Variants in MPDZ observed in about 807,000 individuals in gnomAD.
MPDZ encodes the protein multiple PDZ domain protein.
Under a neutral mutation model 239.1 loss-of-function variants are expected in MPDZ, and 234 were observed. That is an observed-to-expected ratio of 0.98 (90% confidence interval 0.88 to 1.09). The LOEUF is 1.09. Ranked by LOEUF, MPDZ falls within the 50% of genes least tolerant of loss-of-function variation. MPDZ has a pLI of 0.00. For synonymous variants in MPDZ, 1,048 were observed against 881.3 expected (o/e 1.19, Z -3.35); for missense variants, 3,175 against 2,510.0 (o/e 1.26, Z -5.66).
intron 21 of MPDZ, among the ~76,000 whole-genome samples, chr9:13,172,519 A>G (rs1460135567): frequency 6.6e-6 from 1 of 151,618 alleles, no homozygotes; most frequent in East Asian, 1.9e-4. Flanking sequence ...AGTAGCTGGG[A>G]TTACAGGTGC....
intron 12 of MPDZ, among the ~76,000 whole-genome samples, chr9:13,201,152 T>A (rs747807292): frequency 5.9e-5 from 9 of 152,230 alleles, no homozygotes; most frequent in Admixed American, 1.3e-4. Context: ...CTGATGCTTT[T>A]CTCATTAAAT....
intron 10 of MPDZ, among the ~76,000 whole-genome samples, chr9:13,206,725 G>T (rs944162652): frequency 1.3e-5 from 2 of 151,998 alleles, no homozygotes; most frequent in African/African-American, 4.8e-5. Context: ...TGTATTTTTA[G>T]TAAAGACGGG....
In MPDZ at chr9:13,136,088, A is replaced by G; in HGVS notation, c.4383+4T>C. ...CCAGAGAAACAAACATAAGTTACAT[A>G]TACCTCCTTATTTTGAAGATTTTCT... On this transcript the variant is annotated splice_donor_region_variant and intron_variant, in intron 31 of 46. Coordinates refer to ENST00000319217, the MANE Select transcript of MPDZ (RefSeq NM_001378778.1). 6.3e-7 allele frequency: 1 copy of G among 1,585,008 alleles called. No individual in the cohort carries two copies. Among genetic ancestry groups the G allele is most frequent in the East Asian group, 2.2e-5 (1 of 44,552 alleles).
Position 13,117,030 on chromosome 9 carries a change from T to C in MPDZ, c.5380-1696A>G, listed in dbSNP as rs544784854. ...ATAGTGCTGAACTCTATATATACTA[T>C]GTTTTTTCCTATATATAAGGTTTAA... On this transcript the variant is annotated intron_variant, in intron 39 of 46. Transcript: ENST00000319217. Among the ~76,000 whole-genome samples the C allele has an allele frequency of 2.6e-5, 4 of 152,238 alleles. No individual in the cohort carries two copies. In the East Asian group the frequency reaches 7.7e-4, roughly 29 times the overall value.
intron 26 of MPDZ, 29 bp downstream of exon 26, chr9:13,147,519 T>C: frequency 6.5e-7 from 1 of 1,529,534 alleles, no homozygotes; most frequent in Non-Finnish European, 9.1e-7. Flanking sequence ...TGTTTGGATA[T>C]GCCTACCTTG....
intron 5 of MPDZ, among the ~76,000 whole-genome samples, chr9:13,223,225 G>A (rs1218573264): frequency 6.6e-6 from 1 of 151,642 alleles, no homozygotes; most frequent in Non-Finnish European, 1.5e-5. Flanking sequence ...ATTGCTCTGG[G>A]TACATAAAAA....
intron 1 of MPDZ, among the ~76,000 whole-genome samples, chr9:13,250,904 G>T (rs778064346): frequency 1.3e-5 from 2 of 151,978 alleles, no homozygotes; most frequent in Non-Finnish European, 2.9e-5. Context: ...CAAGGTGAGT[G>T]CGTCACTTGA....
chr9:13,157,494 T>C (rs1949962983), intron 24 of MPDZ, among the ~76,000 whole-genome samples: 1 of 152,160 alleles, frequency 6.6e-6, no homozygotes, highest in Non-Finnish European at 1.5e-5. Context: ...CAGTATGTTT[T>C]AGTGATGCAC....
intron 12 of MPDZ, among the ~76,000 whole-genome samples, chr9:13,200,266 T>C (rs1956221952): frequency 6.6e-6 from 1 of 152,028 alleles, no homozygotes; most frequent in Non-Finnish European, 1.5e-5. Context: ...CTAACAATCC[T>C]ATGTATTTCA....
chr9:13,204,911 T>G (rs1956821935), intron 12 of MPDZ, 125 bp downstream of exon 12: 3 of 525,020 alleles, frequency 5.7e-6, no homozygotes, highest in Non-Finnish European at 9.3e-6. Context: ...ATTTACAAAC[T>G]TCACTTTTTG....
Position 13,119,734 on chromosome 9 carries a change from A to G in MPDZ, c.5232-85T>C, listed in dbSNP as rs981098041. On this transcript the variant is annotated intron_variant, in intron 38 of 46. Coordinates refer to ENST00000319217, the MANE Select transcript of MPDZ (RefSeq NM_001378778.1). ...TAATAAAAAGTTACGTTTTTACCCAAAATTTTTACTTGTTTTTATGACTTT... is the reference window on the plus strand; with the variant it reads ...TAATAAAAAGTTACGTTTTTACCCAGAATTTTTACTTGTTTTTATGACTTT... The G allele has an allele frequency of 2.0e-4, 310 of 1,525,196 alleles. 1 individual carries two copies. Among genetic ancestry groups the G allele is most frequent in the Non-Finnish European group, 3.2e-5 (35 of 1,110,238 alleles). 94.5% of individuals were successfully genotyped at this position (1,525,196 alleles called of 1,614,324 possible).
chr9:13,220,830 G>A (rs942812601), intron 7 of MPDZ, among the ~76,000 whole-genome samples: 1 of 151,922 alleles, frequency 6.6e-6, no homozygotes, highest in African/African-American at 2.4e-5. Context: ...CATAACAAAT[G>A]TGTTAAATCT....
At chr9:13,109,108 T>A in intron 45 of MPDZ, 49 bp from the exon 46 acceptor site, 6 of 1,196,914 alleles carry the variant, frequency 5.0e-6, no homozygotes, top group Non-Finnish European at 5.4e-6. Flanking sequence ...AAAAAAAAAC[T>A]ATACATATAT....
At chr9:13,180,260 A>C (rs1394358562) in intron 19 of MPDZ, among the ~76,000 whole-genome samples, 1 of 152,226 alleles carries the variant, frequency 6.6e-6, no homozygotes, top group Non-Finnish European at 1.5e-5. Flanking sequence ...CAGACTACTA[A>C]AAAATATCAT....
At chr9:13,238,496 G>A (rs1394736938) in intron 3 of MPDZ, among the ~76,000 whole-genome samples, 3 of 152,032 alleles carry the variant, frequency 2.0e-5, no homozygotes, top group South Asian at 2.1e-4. Context: ...CCTCTCTCTG[G>A]CAAGGAGCTG....
At chr9:13,133,578 G>C (rs919128428) in intron 32 of MPDZ, among the ~76,000 whole-genome samples, 4 of 152,206 alleles carry the variant, frequency 2.6e-5, no homozygotes, top group Non-Finnish European at 4.4e-5. Context: ...TAAAGTATCA[G>C]CACAGTCATT....
At chr9:13,169,576 C>T (rs966861317) in intron 21 of MPDZ, among the ~76,000 whole-genome samples, 1 of 152,052 alleles carries the variant, frequency 6.6e-6, no homozygotes, top group African/African-American at 2.4e-5. Context: ...TTGCAAAAGC[C>T]TCCTTCCTAA....
chr9:13,244,471 A>G (rs1431495201), intron 3 of MPDZ, among the ~76,000 whole-genome samples: 1 of 152,164 alleles, frequency 6.6e-6, no homozygotes, highest in Non-Finnish European at 1.5e-5. Flanking sequence ...TGCAATAGGA[A>G]ATGAACCAGA....
intron 39 of MPDZ, among the ~76,000 whole-genome samples, chr9:13,117,530 C>CAAAA (rs373737156): frequency 7.4e-6 from 1 of 135,234 alleles, no homozygotes; most frequent in African/African-American, 2.8e-5. Flanking sequence ...GACTCCGTCT[C>CAAAA]AAAAAAAAAA....
Sources: allele counts gnomAD v4.1 joint callset (sites outside exome capture counted in the v4.1 genomes callset), GRCh38; gene constraint gnomAD v4.1.1; transcripts MANE v1.5; gene names NCBI Gene and HGNC (gene_info 2026-07-23, HGNC 2026-07-21).